ZBTB20: variants seen among roughly 807,000 people sequenced by gnomAD.
ZBTB20 encodes the protein zinc finger and BTB domain-containing protein 20.
ZBTB20 carries 9 observed loss-of-function variants against 56.9 expected under a neutral mutation model. The observed-to-expected ratio is 0.16, with a 90% CI of 0.10 to 0.28. The LOEUF (loss-of-function observed/expected upper bound fraction) is 0.28. Ranked by LOEUF, ZBTB20 falls within the 10% of genes least tolerant of loss-of-function variation. The pLI is 1.00. For synonymous variants in ZBTB20, 417 were observed against 420.7 expected, an observed-to-expected ratio of 0.99 and a Z score of 0.11; for missense variants, 655 against 1,003.0, an observed-to-expected ratio of 0.65 and a Z score of 4.69.
At chr3:114,798,754 T>C (rs954027028) in intron 5 of ZBTB20, among the ~76,000 whole-genome samples, 1 of 151,954 alleles carries the variant, frequency 6.6e-6, no homozygotes, top group African/African-American at 2.4e-5. Flanking sequence ...TCTTAAAATA[T>C]ATAAAATGTT....
intron 5 of ZBTB20, among the ~76,000 whole-genome samples, chr3:114,787,377 A>ACACACAC (rs1553821579): frequency 2.1e-5 from 3 of 141,534 alleles, no homozygotes; most frequent in Non-Finnish European, 4.7e-5. Context: ...ATACACACAC[A>ACACACAC]CACACACACA....
chr3:114,524,499 T>C lies in ZBTB20; in HGVS notation c.-294-24108A>G, dbSNP rs542230650. On this transcript the variant is annotated intron_variant, in intron 6 of 11. Transcript: ENST00000675478. ...GCTAGGGGCTAACGTTTTCAAGGAATTGGGAAACTTGCCTGGTAGACAACT... is the reference window on the plus strand; with the variant it reads ...GCTAGGGGCTAACGTTTTCAAGGAACTGGGAAACTTGCCTGGTAGACAACT... Among the ~76,000 whole-genome samples the C allele has an allele frequency of 8.5e-4, 129 of 152,010 alleles. 1 individual carries two copies. The highest frequency in any genetic ancestry group is 2.8e-3 in the African/African-American group (115 of 41,442).
At chr3:115,001,561 G>A (rs1234660101) in intron 2 of ZBTB20, among the ~76,000 whole-genome samples, 13 of 150,146 alleles carry the variant, frequency 8.7e-5, no homozygotes, top group Admixed American at 8.0e-4. Flanking sequence ...TTGAGAGTCA[G>A]GCATTAAAGG....
intron 7 of ZBTB20, among the ~76,000 whole-genome samples, chr3:114,490,498 G>C (rs931130291): frequency 4.6e-5 from 7 of 152,106 alleles, no homozygotes; most frequent in African/African-American, 1.7e-4. Context: ...TGGGATTACA[G>C]GCGTGAGATC....
chr3:114,341,317 T>C (rs1169668732), intron 11 of ZBTB20, among the ~76,000 whole-genome samples: 1 of 152,200 alleles, frequency 6.6e-6, no homozygotes, highest in African/African-American at 2.4e-5. Context: ...ATGCATGTTT[T>C]TAGCTGAAAC....
At chr3:115,132,989 AT>A (rs1156276162) in intron 1 of ZBTB20, among the ~76,000 whole-genome samples, 2 of 152,118 alleles carry the variant, frequency 1.3e-5, no homozygotes, top group African/African-American at 4.8e-5. Flanking sequence ...TTTCCTTAGA[AT>A]TTTTTAATAT....
chr3:114,892,220 C>T (rs890548040), intron 4 of ZBTB20, among the ~76,000 whole-genome samples: 1 of 152,182 alleles, frequency 6.6e-6, no homozygotes, highest in Non-Finnish European at 1.5e-5. Flanking sequence ...CTCCATTTTA[C>T]ATTCCGTCTT....
intron 1 of ZBTB20, among the ~76,000 whole-genome samples, chr3:115,114,967 T>C (rs954386448): frequency 2.0e-5 from 3 of 152,146 alleles, no homozygotes; most frequent in African/African-American, 7.2e-5. Context: ...CTCAATACTC[T>C]ACCACTGGAT....
chr3:114,372,042 A>G (rs141151460), intron 10 of ZBTB20, among the ~76,000 whole-genome samples: 1 of 152,220 alleles, frequency 6.6e-6, no homozygotes, highest in African/African-American at 2.4e-5. Flanking sequence ...AGAAGTCCTT[A>G]AAGAATCCTC....
At chr3:114,371,425 G>C (rs1029345261) in intron 10 of ZBTB20, among the ~76,000 whole-genome samples, 6 of 152,144 alleles carry the variant, frequency 3.9e-5, no homozygotes, top group Non-Finnish European at 7.4e-5. Flanking sequence ...CTGAGTGAGT[G>C]AATCAATGCT....
intron 7 of ZBTB20, among the ~76,000 whole-genome samples, chr3:114,455,668 C>T (rs530215139): frequency 8.5e-5 from 13 of 152,166 alleles, no homozygotes; most frequent in Middle Eastern, 3.4e-3. Context: ...CAGACAAAGT[C>T]AGTGGGCAGA....
chr3:114,802,790 G>T (rs1448797049), intron 4 of ZBTB20, among the ~76,000 whole-genome samples: 1 of 151,772 alleles, frequency 6.6e-6, no homozygotes, highest in Non-Finnish European at 1.5e-5. Context: ...TCACCAACTG[G>T]CATTGTTCTA....
intron 7 of ZBTB20, among the ~76,000 whole-genome samples, chr3:114,455,983 C>T (rs1299400789): frequency 1.3e-5 from 2 of 152,022 alleles, no homozygotes; most frequent in Non-Finnish European, 2.9e-5. Flanking sequence ...GCCCACCAGG[C>T]CAGTGCTCTT....
rs553282199 is a variant in ZBTB20, at chr3:114,380,814, C to T, written c.-27G>A. ...TGTCAGGAAGCTTAGAGACAGGACT[C>T]GTGGAGTAATGGGAGGAGCACTGGA... On this transcript the variant is annotated 5_prime_UTR_variant, in exon 9 of 12. Coordinates refer to ENST00000675478, the MANE Select transcript of ZBTB20 (RefSeq NM_001348800.3). 11 of 1,502,570 alleles carry T rather than the reference C, an allele frequency of 7.3e-6. No individual in the cohort carries two copies. The highest frequency in any genetic ancestry group is 7.0e-5 in the African/African-American group (5 of 71,544). 93.1% of individuals were successfully genotyped at this position (1,502,570 alleles called of 1,614,324 possible).
chr3:114,755,440 A>G (rs890615270), intron 5 of ZBTB20, among the ~76,000 whole-genome samples: 1 of 152,200 alleles, frequency 6.6e-6, no homozygotes, highest in Non-Finnish European at 1.5e-5. Flanking sequence ...GCAGCAGTAC[A>G]GAAGTGTTTT....
chr3:115,082,701 A>T (rs1435053209), intron 1 of ZBTB20, among the ~76,000 whole-genome samples: 1 of 152,138 alleles, frequency 6.6e-6, no homozygotes, highest in African/African-American at 2.4e-5. Flanking sequence ...AAAACCAAGC[A>T]TACTATTTTC....
intron 6 of ZBTB20, among the ~76,000 whole-genome samples, chr3:114,649,410 A>G (rs759238488): frequency 6.6e-6 from 1 of 152,176 alleles, no homozygotes; most frequent in Non-Finnish European, 1.5e-5. Context: ...CTCATTTAAT[A>G]AAAGAATGTA....
intron 4 of ZBTB20, among the ~76,000 whole-genome samples, chr3:114,850,958 G>C (rs2074971880): frequency 6.6e-6 from 1 of 152,144 alleles, no homozygotes; most frequent in African/African-American, 2.4e-5. Flanking sequence ...CAAAGCAATG[G>C]CTGTAAATGC....
chr3:115,109,073 T>G (rs1423343722), intron 1 of ZBTB20, among the ~76,000 whole-genome samples: 1 of 152,124 alleles, frequency 6.6e-6, no homozygotes, highest in Non-Finnish European at 1.5e-5. Context: ...ATTTGTAATA[T>G]CTCCCTGGCT....
Sources: allele counts gnomAD v4.1 joint callset (sites outside exome capture counted in the v4.1 genomes callset), GRCh38; gene constraint gnomAD v4.1.1; transcripts MANE v1.5; gene names NCBI Gene and HGNC (gene_info 2026-07-23, HGNC 2026-07-21).